Variants in CAMK1D observed in about 807,000 individuals in gnomAD.
CAMK1D encodes calcium/calmodulin-dependent protein kinase type 1D.
A neutral mutation model predicts 47.7 loss-of-function variants in CAMK1D; 9 were observed. That is an observed-to-expected ratio of 0.19 (90% CI 0.11 to 0.33). CAMK1D has a LOEUF of 0.33. Among genes scored for constraint, CAMK1D ranks in the 10% least tolerant of loss-of-function variants. The pLI is 1.00. For missense variants in CAMK1D, 291 were observed against 488.7 expected (o/e 0.60, Z 3.81); for synonymous variants, 184 against 184.9 (o/e 0.99, Z 0.04).
At chr10:12,474,877 T>TC (rs1833857341) in intron 1 of CAMK1D, among the ~76,000 whole-genome samples, 1 of 151,972 alleles carries the variant, frequency 6.6e-6, no homozygotes, top group South Asian at 2.1e-4. Flanking sequence ...ATTTTTTTTT[T>TC]TGCTAAGGCT....
chr10:12,606,200 G>C (rs1033790135), intron 2 of CAMK1D, among the ~76,000 whole-genome samples: 7 of 148,722 alleles, frequency 4.7e-5, no homozygotes, highest in African/African-American at 1.5e-4. Flanking sequence ...GGACCACAGG[G>C]GAGGGAGCGC....
At chr10:12,381,162 T>C (rs557295054) in intron 1 of CAMK1D, among the ~76,000 whole-genome samples, 5 of 152,286 alleles carry the variant, frequency 3.3e-5, no homozygotes, top group East Asian at 1.9e-4. Flanking sequence ...AGGTCAGCTT[T>C]GTACATACAT....
intron 1 of CAMK1D, among the ~76,000 whole-genome samples, chr10:12,509,885 A>C (rs1220537274): frequency 6.6e-6 from 1 of 152,256 alleles, no homozygotes; most frequent in Non-Finnish European, 1.5e-5. Context: ...AAAAGTAGCC[A>C]CATGGAACTG....
intron 1 of CAMK1D, among the ~76,000 whole-genome samples, chr10:12,364,266 G>C (rs1837769727): frequency 7.6e-6 from 1 of 132,390 alleles, no homozygotes; most frequent in South Asian, 2.4e-4. Context: ...TTTTGAGATG[G>C]AGTCTCCCTC....
At chr10:12,579,885 C>T (rs1407316554) in intron 2 of CAMK1D, among the ~76,000 whole-genome samples, 2 of 152,124 alleles carry the variant, frequency 1.3e-5, no homozygotes, top group African/African-American at 4.8e-5. Context: ...TGGAGATTCA[C>T]GGAGTGGCTT....
chr10:12,430,993 G>T (rs983971820), intron 1 of CAMK1D, among the ~76,000 whole-genome samples: 7 of 152,124 alleles, frequency 4.6e-5, no homozygotes, highest in South Asian at 2.1e-4. Context: ...CAAGTGATCC[G>T]CCCGCTTTGG....
At chr10:12,477,241 C>A (rs1424908739) in intron 1 of CAMK1D, among the ~76,000 whole-genome samples, 1 of 152,096 alleles carries the variant, frequency 6.6e-6, no homozygotes, top group Non-Finnish European at 1.5e-5. Flanking sequence ...CATGGTGAAA[C>A]CCCGTCTCTA....
intron 1 of CAMK1D, among the ~76,000 whole-genome samples, chr10:12,513,860 C>A (rs1188512586): frequency 1.3e-5 from 2 of 152,128 alleles, no homozygotes; most frequent in Admixed American, 1.3e-4. Context: ...GGTGCATTAT[C>A]CAGTGTTTAG....
chr10:12,502,193 C>CAG, intron 1 of CAMK1D, among the ~76,000 whole-genome samples: 1 of 152,302 alleles, frequency 6.6e-6, no homozygotes, highest in East Asian at 1.9e-4. Flanking sequence ...AGAGACATCG[C>CAG]AGACCGTGGG....
chr10:12,647,573 A>G (rs1251358917), intron 2 of CAMK1D, among the ~76,000 whole-genome samples: 1 of 152,196 alleles, frequency 6.6e-6, no homozygotes, highest in Non-Finnish European at 1.5e-5. Context: ...ATGAATATAT[A>G]TTGAGAGGGA....
intron 1 of CAMK1D, among the ~76,000 whole-genome samples, chr10:12,516,214 A>G (rs761461899): frequency 1.3e-5 from 2 of 151,998 alleles, no homozygotes; most frequent in South Asian, 2.1e-4. Flanking sequence ...GGTTCAAGCA[A>G]TTCTCTGCCT....
intron 1 of CAMK1D, among the ~76,000 whole-genome samples, chr10:12,541,283 T>C (rs780871190): frequency 5.3e-5 from 8 of 152,352 alleles, no homozygotes; most frequent in African/African-American, 1.7e-4. Flanking sequence ...AGTTCTAAAA[T>C]TGCCAAGTTT....
At chr10:12,629,754 C>G (rs141648891) in intron 2 of CAMK1D, among the ~76,000 whole-genome samples, 183 of 152,332 alleles carry the variant, frequency 1.2e-3, no homozygotes, top group African/African-American at 4.2e-3. Context: ...TGGGCTCAAG[C>G]CATTGTTTCC....
intron 1 of CAMK1D, among the ~76,000 whole-genome samples, chr10:12,373,474 A>G (rs1838065590): frequency 2.0e-5 from 3 of 151,850 alleles, no homozygotes; most frequent in Non-Finnish European, 4.4e-5. Flanking sequence ...TCTACTAAAG[A>G]TGCAAGAATT....
At chr10:12,669,250 C>A (rs116740641) in intron 3 of CAMK1D, among the ~76,000 whole-genome samples, 821 of 35,062 alleles carry the variant, frequency 0.023, 11 homozygotes, top group African/African-American at 0.079. Flanking sequence ...CAAAAAAACC[C>A]CACAAAAAAC....
rs532411456 is a variant in CAMK1D at position 12,831,465 on chromosome 10, G to C, written c.*2578G>C. On this transcript the variant is annotated 3_prime_UTR_variant, in exon 11 of 11. Coordinates refer to ENST00000619168, the MANE Select transcript of CAMK1D (RefSeq NM_153498.4). ...TTGCATTCAGAAAGCAGCATTTGAA[G>C]CTGAGTTCCATTACTGGTGATTGAA... 1 of 152,340 alleles carries C rather than the reference G, an allele frequency of 6.6e-6. No homozygotes were observed. Among genetic ancestry groups the C allele is most frequent in the Admixed American group, 6.5e-5 (1 of 15,304 alleles). The allele number at this position is 152,340 out of a possible 1,614,324, so 9.4% of individuals were successfully genotyped here.
rs191254749 is a variant in CAMK1D, at chr10:12,627,469, A to T, written c.225-39267A>T. On this transcript the variant is annotated intron_variant, in intron 2 of 10. Transcript: ENST00000619168. ...TTTTTGGACTGTTATATACTTGCAG[A>T]TAATCATTACCCCAGTCAAGGTATA... 2.0e-5 allele frequency among the ~76,000 whole-genome samples: 3 copies of T among 152,188 alleles called. No individual in the cohort carries two copies. In the East Asian group the frequency reaches 5.8e-4, roughly 29 times the overall value.
At chr10:12,705,813 G>A (rs949695578) in intron 3 of CAMK1D, among the ~76,000 whole-genome samples, 9 of 152,330 alleles carry the variant, frequency 5.9e-5, no homozygotes, top group South Asian at 2.1e-4. Flanking sequence ...ATCTCACGTC[G>A]CTGGAGTGTC....
intron 1 of CAMK1D, among the ~76,000 whole-genome samples, chr10:12,483,611 G>A (rs577249677): frequency 3.3e-5 from 5 of 152,048 alleles, no homozygotes; most frequent in South Asian, 2.1e-4. Flanking sequence ...TGATCCTCTC[G>A]CCTGGGCCTC....
Sources: allele counts gnomAD v4.1 joint callset (sites outside exome capture counted in the v4.1 genomes callset), GRCh38; gene constraint gnomAD v4.1.1; transcripts MANE v1.5; gene names NCBI Gene and HGNC (gene_info 2026-07-23, HGNC 2026-07-21).